Variants in RBMS3 observed in about 807,000 individuals in gnomAD.
RBMS3 encodes the protein RNA binding motif single stranded interacting protein 3, also known as RNA-binding motif, single-stranded-interacting protein 3.
RBMS3 carries 27 observed loss-of-function variants against 66.8 expected under a neutral mutation model. The observed-to-expected ratio is 0.40, with a 90% confidence interval of 0.30 to 0.56. RBMS3 has a LOEUF of 0.56. RBMS3 is among the 20% of genes least tolerant of loss of function. The pLI is 0.40. For synonymous variants in RBMS3, 188 were observed against 183.0 expected (o/e 1.03, Z -0.22); for missense variants, 513 against 549.5 (o/e 0.93, Z 0.66).
chr3:29,309,284 A>G (rs1448862391), intron 1 of RBMS3, among the ~76,000 whole-genome samples: 3 of 151,810 alleles, frequency 2.0e-5, no homozygotes, highest in East Asian at 1.9e-4. Context: ...AGTTTTGGGC[A>G]TGTGAATTTG....
chr3:29,574,572 A>G (rs2047052994), intron 3 of RBMS3, among the ~76,000 whole-genome samples: 1 of 152,100 alleles, frequency 6.6e-6, no homozygotes, highest in Admixed American at 6.5e-5. Context: ...TATTATTGAT[A>G]GGCAGGGACT....
chr3:29,991,126 C>A lies in RBMS3; in HGVS notation c.1224C>A (p.Ser408=), dbSNP rs1698846698. 1 of 1,614,092 alleles carries A rather than the reference C, an allele frequency of 6.2e-7. No individual in the cohort carries two copies. The highest frequency in any genetic ancestry group is 2.2e-5 in the East Asian group (1 of 44,874). The change falls in exon 14 of 15, where the codon TCC becomes TCA. Residue 408 remains serine (S), a synonymous_variant. Transcript: ENST00000383767. The part of the protein sequence containing the change: ...DTSPQTVAPS[S]QDTSGQQQQI... The stretch of plus-strand genomic sequence containing the variant: ...CTCCCCAGACAGTGGCACCTTCATC[C>A]CAGGACACCAGTGGTCAGCAGCAAC...
chr3:29,458,560 T>A (rs2042269603), intron 2 of RBMS3, among the ~76,000 whole-genome samples: 1 of 152,214 alleles, frequency 6.6e-6, no homozygotes, highest in African/African-American at 2.4e-5. Flanking sequence ...CCTAATAAGA[T>A]GTAAATGCTA....
intron 1 of RBMS3, among the ~76,000 whole-genome samples, chr3:29,297,053 A>C (rs2033323801): frequency 6.6e-6 from 1 of 151,754 alleles, no homozygotes; most frequent in Non-Finnish European, 1.5e-5. Context: ...ATCAGAAACG[A>C]AAACAGTGTG....
intron 4 of RBMS3, among the ~76,000 whole-genome samples, chr3:29,674,489 G>T (rs183578485): frequency 6.6e-6 from 1 of 152,034 alleles, no homozygotes; most frequent in African/African-American, 2.4e-5. Context: ...TGACATGATT[G>T]TATATTTAGT....
chr3:29,872,493 T>C (rs9866059), intron 7 of RBMS3, among the ~76,000 whole-genome samples: 38,547 of 151,932 alleles, frequency 0.25, 6,707 homozygotes, highest in African/African-American at 0.5. Flanking sequence ...CTATAGATCT[T>C]CTAATACGAT....
intron 4 of RBMS3, among the ~76,000 whole-genome samples, chr3:29,607,983 T>C (rs1431793284): frequency 6.6e-6 from 1 of 151,926 alleles, no homozygotes; most frequent in Admixed American, 6.6e-5. Context: ...GCAGAGAAAA[T>C]AGTGTAATTT....
chr3:29,431,245 T>C (rs1358782222), intron 1 of RBMS3, among the ~76,000 whole-genome samples: 1 of 151,838 alleles, frequency 6.6e-6, no homozygotes, highest in Non-Finnish European at 1.5e-5. Context: ...ATGTTGATAC[T>C]AAAGCAATAC....
chr3:29,664,089 T>C (rs1190234626), intron 4 of RBMS3, among the ~76,000 whole-genome samples: 1 of 152,168 alleles, frequency 6.6e-6, no homozygotes, highest in Non-Finnish European at 1.5e-5. Flanking sequence ...TGATCATGAA[T>C]TTCACCACTT....
intron 2 of RBMS3, among the ~76,000 whole-genome samples, chr3:29,472,614 C>T (rs1034148106): frequency 1.3e-5 from 2 of 152,000 alleles, no homozygotes; most frequent in African/African-American, 4.8e-5. Flanking sequence ...TTCGTGGTCT[C>T]ACTGGCTCAG....
chr3:29,830,726 C>T (rs1286958092), intron 6 of RBMS3, among the ~76,000 whole-genome samples: 4 of 151,970 alleles, frequency 2.6e-5, no homozygotes, highest in African/African-American at 4.8e-5. Context: ...TTATTTTATT[C>T]TGGTGAATGC....
chr3:29,300,840 A>G (rs17023215), intron 1 of RBMS3, among the ~76,000 whole-genome samples: 4,155 of 152,056 alleles, frequency 0.027, 212 homozygotes, highest in African/African-American at 0.095. Flanking sequence ...TGGTTAGTAG[A>G]GAGAGAAGTA....
At chr3:29,438,139 C>T (rs939737255) in intron 2 of RBMS3, among the ~76,000 whole-genome samples, 3 of 151,846 alleles carry the variant, frequency 2.0e-5, no homozygotes, top group African/African-American at 7.3e-5. Flanking sequence ...CTTTCCATTC[C>T]TGTACCTCAT....
At chr3:29,481,011 G>C (rs2043111548) in intron 2 of RBMS3, among the ~76,000 whole-genome samples, 1 of 152,190 alleles carries the variant, frequency 6.6e-6, no homozygotes, top group South Asian at 2.1e-4. Flanking sequence ...TAGCTGGTCT[G>C]TCTGAGATTG....
At chr3:29,797,384 G>A (rs927461731) in intron 6 of RBMS3, among the ~76,000 whole-genome samples, 2 of 152,158 alleles carry the variant, frequency 1.3e-5, no homozygotes, top group Non-Finnish European at 2.9e-5. Context: ...GAGTTGAAGA[G>A]AGTTAAGATC....
At chr3:29,895,448 G>A (rs1175159105) in intron 8 of RBMS3, among the ~76,000 whole-genome samples, 2 of 151,188 alleles carry the variant, frequency 1.3e-5, no homozygotes, top group East Asian at 3.9e-4. Context: ...CCTCCACCCC[G>A]CTATAGTTTT....
intron 3 of RBMS3, among the ~76,000 whole-genome samples, chr3:29,577,820 T>C (rs760204562): frequency 2.0e-5 from 3 of 152,170 alleles, no homozygotes; most frequent in African/African-American, 4.8e-5. Context: ...TTCAGGACTG[T>C]CTTTCCTGTT....
intron 1 of RBMS3, among the ~76,000 whole-genome samples, chr3:29,393,310 A>G (rs1198625616): frequency 1.3e-5 from 2 of 152,236 alleles, no homozygotes; most frequent in African/African-American, 4.8e-5. Flanking sequence ...AAATAAATAC[A>G]GCATAATGTA....
rs112979723 is a variant in RBMS3, at chr3:29,911,978, A to AATAG, written c.939+12224_939+12227dup. Among the ~76,000 whole-genome samples the AATAG allele has an allele frequency of 1.9e-3, 291 of 149,908 alleles. 6 individuals carry two copies. The highest frequency in any genetic ancestry group is 7.1e-3 in the African/African-American group (281 of 39,656). On this transcript the variant is annotated intron_variant, in intron 10 of 14. Coordinates refer to ENST00000383767, the MANE Select transcript of RBMS3 (RefSeq NM_001003793.3). ...TAGAAAAATGGAGAAACACATACATAATAGCTAGATAGATAGATAGATAGA... is the reference window on the plus strand; with the variant it reads ...TAGAAAAATGGAGAAACACATACATAATAGATAGCTAGATAGATAGATAGATAGA...
Sources: allele counts gnomAD v4.1 joint callset (sites outside exome capture counted in the v4.1 genomes callset), GRCh38; gene constraint gnomAD v4.1.1; transcripts MANE v1.5; gene names NCBI Gene and HGNC (gene_info 2026-07-23, HGNC 2026-07-21).